The following WDR49 variants were observed in gnomAD, a reference collection of about 807,000 sequenced individuals.
The protein encoded by WDR49 is cilia- and flagella-associated protein 337.
A neutral mutation model predicts 119.5 loss-of-function variants in WDR49; 107 were observed. The ratio of observed to expected loss-of-function variants is 0.90; its 90% CI spans 0.77 to 1.05. The LOEUF (loss-of-function observed/expected upper bound fraction) is 1.05. Ranked by LOEUF, WDR49 falls within the 50% of genes least tolerant of loss-of-function variation. The pLI is 0.00. For missense variants in WDR49, 1,240 were observed against 1,220.5 expected (o/e 1.02, Z -0.24); for synonymous variants, 425 against 418.8 (o/e 1.01, Z -0.18).
intron 18 of WDR49, among the ~76,000 whole-genome samples, chr3:167,494,950 T>G (rs1751293053): frequency 6.6e-6 from 1 of 152,150 alleles, no homozygotes; most frequent in Admixed American, 6.5e-5. Context: ...AATCTGTACC[T>G]CAGCACTGAC....
intron 16 of WDR49, among the ~76,000 whole-genome samples, chr3:167,511,353 T>A (rs754176581): frequency 6.6e-6 from 1 of 152,230 alleles, no homozygotes; most frequent in Non-Finnish European, 1.5e-5. Flanking sequence ...ATGCGTTATT[T>A]TTTCATTTTA....
intron 2 of WDR49, among the ~76,000 whole-genome samples, chr3:167,648,715 G>C (rs896409047): frequency 3.9e-5 from 6 of 152,170 alleles, no homozygotes; most frequent in African/African-American, 1.4e-4. Context: ...TGGGATGTGA[G>C]CTGGACCACA....
chr3:167,486,679 T>A (rs1480243747), intron 18 of WDR49, among the ~76,000 whole-genome samples: 1 of 151,926 alleles, frequency 6.6e-6, no homozygotes, highest in African/African-American at 2.4e-5. Context: ...ACAAGAAGAT[T>A]TAACTATCCT....
chr3:167,625,756 G>A (rs1029898128), intron 3 of WDR49, among the ~76,000 whole-genome samples: 10 of 151,918 alleles, frequency 6.6e-5, no homozygotes, highest in Non-Finnish European at 7.4e-5. Context: ...CTGAAACGAT[G>A]CAAGGCTTTA....
At chr3:167,520,841 A>ATGCGGAACAC (rs2108230521) in intron 16 of WDR49, among the ~76,000 whole-genome samples, 1 of 152,250 alleles carries the variant, frequency 6.6e-6, no homozygotes, top group South Asian at 2.1e-4. Flanking sequence ...TCACTTTAAG[A>ATGCGGAACAC]TATAAACAAA....
chr3:167,478,892 TCTTCA>T lies in WDR49; in HGVS notation c.3131_3135del (p.Val1044GlufsTer3), dbSNP rs774113932. On this transcript the variant is annotated frameshift_variant, in exon 19 of 19. Transcript: ENST00000682715. LOFTEE classifies it high-confidence loss of function. The stretch of plus-strand genomic sequence containing the variant: ...TTCTGTTGTAATTACTTCTTATTTT[TCTTCA>T]CTTCACAACTTTTTTCTTGGCATAA... The T allele has an allele frequency of 3.0e-5, 48 of 1,604,250 alleles. 1 individual carries two copies. Among genetic ancestry groups the T allele is most frequent in the Non-Finnish European group, 3.4e-5 (40 of 1,177,040 alleles).
At chr3:167,488,540 A>G (rs1204428623) in intron 18 of WDR49, among the ~76,000 whole-genome samples, 1 of 152,142 alleles carries the variant, frequency 6.6e-6, no homozygotes, top group Non-Finnish European at 1.5e-5. Context: ...AGTAAAAAAT[A>G]AAGTAAATAA....
intron 7 of WDR49, among the ~76,000 whole-genome samples, chr3:167,584,527 T>G (rs1714709865): frequency 6.6e-6 from 1 of 152,120 alleles, no homozygotes. Context: ...TTACCCTACC[T>G]GGCATCAAAG....
chr3:167,564,910 A>C (rs1577243447), intron 8 of WDR49, among the ~76,000 whole-genome samples: 1 of 152,258 alleles, frequency 6.6e-6, no homozygotes, highest in East Asian at 1.9e-4. Flanking sequence ...GTCTAAGAAA[A>C]AAAAAACAGG....
chr3:167,593,735 G>C (rs2108298115), intron 7 of WDR49, among the ~76,000 whole-genome samples: 1 of 152,120 alleles, frequency 6.6e-6, no homozygotes. Context: ...TGGCTTATTG[G>C]TAGCTATCTG....
In WDR49 at chr3:167,626,918, AG is replaced by A; in HGVS notation, c.539del (p.Thr180IlefsTer12). 1 of 1,288,206 alleles carries A rather than the reference AG, an allele frequency of 7.8e-7. No homozygotes were observed. Among genetic ancestry groups the A allele is most frequent in the Non-Finnish European group, 9.8e-7 (1 of 1,018,794 alleles). The allele number at this position is 1,288,206 out of a possible 1,614,324, so 79.8% of individuals were successfully genotyped here. On this transcript the variant is annotated frameshift_variant, in exon 3 of 19. Transcript: ENST00000682715. LOFTEE classifies it high-confidence loss of function. ...HLKLQETFPI[T>X]SDATKLKHLW... ...GGTGTTTGAGCTTGGTGGCATCTGA[AG>A]TGATGGGGAATGTTTCTTGCAGCTT...
chr3:167,483,401 G>A (rs1163567964), intron 18 of WDR49, among the ~76,000 whole-genome samples: 1 of 152,118 alleles, frequency 6.6e-6, no homozygotes, highest in Non-Finnish European at 1.5e-5. Flanking sequence ...AATTGACTGG[G>A]TTTCAAGGCC....
chr3:167,508,129 A>G (rs1027583460), intron 16 of WDR49, among the ~76,000 whole-genome samples: 4 of 152,154 alleles, frequency 2.6e-5, no homozygotes, highest in Admixed American at 2.6e-4. Flanking sequence ...AGGTATAATG[A>G]CTGTGACAAT....
At chr3:167,563,930 T>G (rs1457051549) in intron 8 of WDR49, among the ~76,000 whole-genome samples, 1 of 152,218 alleles carries the variant, frequency 6.6e-6, no homozygotes, top group East Asian at 1.9e-4. Flanking sequence ...ATGATACTTT[T>G]TATTTCCCTA....
At position 167,478,717 on chromosome 3, in the gene WDR49, A is replaced by G. The variant is rs1348097970; in HGVS notation, c.*161T>C. The G allele has an allele frequency of 2.3e-6, 1 of 440,764 alleles. No individual in the cohort carries two copies. Among genetic ancestry groups the G allele is most frequent in the East Asian group, 3.8e-5 (1 of 26,222 alleles). 27.3% of individuals were successfully genotyped at this position (440,764 alleles called of 1,614,324 possible). On this transcript the variant is annotated 3_prime_UTR_variant, in exon 19 of 19. Coordinates refer to ENST00000682715, the MANE Select transcript of WDR49 (RefSeq NM_001366157.1). ...AATATTTATTTTATTAAGAATACAG[A>G]GAAATTGACAGATGATAGATAAAAG...
intron 17 of WDR49, among the ~76,000 whole-genome samples, chr3:167,504,998 G>A (rs188750155): frequency 3.3e-5 from 5 of 152,264 alleles, no homozygotes; most frequent in African/African-American, 7.2e-5. Context: ...GCAGAACTGT[G>A]AGCCAATTAA....
At chr3:167,550,782 A>ATT (rs1226348420) in intron 10 of WDR49, among the ~76,000 whole-genome samples, 30 of 142,050 alleles carry the variant, frequency 2.1e-4, no homozygotes, top group Non-Finnish European at 3.5e-4. Flanking sequence ...TTTTTTTGAG[A>ATT]GAGAGAGAGA....
At chr3:167,515,829 A>G (rs143751075) in intron 16 of WDR49, among the ~76,000 whole-genome samples, 1 of 152,196 alleles carries the variant, frequency 6.6e-6, no homozygotes, top group South Asian at 2.1e-4. Flanking sequence ...AAGCACTCCT[A>G]TACACAAATA....
intron 7 of WDR49, among the ~76,000 whole-genome samples, chr3:167,583,813 G>A (rs1714675473): frequency 6.6e-6 from 1 of 152,090 alleles, no homozygotes; most frequent in African/African-American, 2.4e-5. Flanking sequence ...ATACCCTACA[G>A]AAACAAACAC....
Sources: allele counts gnomAD v4.1 joint callset (sites outside exome capture counted in the v4.1 genomes callset), GRCh38; gene constraint gnomAD v4.1.1; transcripts MANE v1.5; gene names NCBI Gene and HGNC (gene_info 2026-07-23, HGNC 2026-07-21).